Variants in CTNND2 observed in about 807,000 individuals in gnomAD.
CTNND2 encodes the protein catenin delta 2, also known as catenin delta-2.
CTNND2 carries 22 observed loss-of-function variants against 144.4 expected under a neutral mutation model. That is an observed-to-expected ratio of 0.15 (90% confidence interval 0.11 to 0.22). The LOEUF is 0.22. Among genes scored for constraint, CTNND2 ranks in the 10% least tolerant of loss-of-function variants. The pLI is 1.00. For synonymous variants in CTNND2, 751 were observed against 695.6 expected (o/e 1.08, Z -1.25); for missense variants, 1,353 against 1,618.8 (o/e 0.84, Z 2.82).
At chr5:11,254,732 T>C (rs1175976828) in intron 9 of CTNND2, among the ~76,000 whole-genome samples, 1 of 152,226 alleles carries the variant, frequency 6.6e-6, no homozygotes, top group Non-Finnish European at 1.5e-5. Context: ...TTTTCTGAGC[T>C]AGGAGAAACA....
At chr5:11,182,397 G>A (rs1735175248) in intron 11 of CTNND2, among the ~76,000 whole-genome samples, 1 of 151,970 alleles carries the variant, frequency 6.6e-6, no homozygotes, top group Non-Finnish European at 1.5e-5. Context: ...GTATATATAT[G>A]TCTGTGTGTG....
At chr5:11,595,700 TG>T (rs1237116349) in intron 2 of CTNND2, among the ~76,000 whole-genome samples, 1 of 152,192 alleles carries the variant, frequency 6.6e-6, no homozygotes, top group Non-Finnish European at 1.5e-5. Flanking sequence ...TTGGCATACC[TG>T]ATGTTGTAAA....
chr5:11,321,589 G>A (rs1248616794), intron 9 of CTNND2, among the ~76,000 whole-genome samples: 1 of 152,196 alleles, frequency 6.6e-6, no homozygotes, highest in Admixed American at 6.5e-5. Context: ...AAAATGTGAA[G>A]TAGGGATTGT....
chr5:11,222,173 C>T lies in CTNND2; in HGVS notation c.1761+14518G>A, dbSNP rs137882150. 8.5e-3 allele frequency among the ~76,000 whole-genome samples: 1,295 copies of T among 151,870 alleles called. 8 individuals carry two copies. Among genetic ancestry groups the T allele is most frequent in the African/African-American group, 0.017 (703 of 41,388 alleles). ...AACCTTTTGTGGGTGGGTGGAGAGG[C>T]GGGGGGAAGATAAAAAGAAGACCCA... On this transcript the variant is annotated intron_variant, in intron 10 of 21. Coordinates refer to ENST00000304623, the MANE Select transcript of CTNND2 (RefSeq NM_001332.4).
At chr5:11,183,597 G>A (rs1735329969) in intron 11 of CTNND2, among the ~76,000 whole-genome samples, 1 of 143,818 alleles carries the variant, frequency 7.0e-6, no homozygotes, top group Non-Finnish European at 1.5e-5. Context: ...TGCTCCTGTT[G>A]CCCAGGCTAG....
chr5:11,546,423 TAA>T (rs1288629328), intron 3 of CTNND2, among the ~76,000 whole-genome samples: 2 of 151,958 alleles, frequency 1.3e-5, no homozygotes, highest in African/African-American at 2.4e-5. Flanking sequence ...ACAAAAATTG[TAA>T]GATTTTTAGA....
intron 9 of CTNND2, among the ~76,000 whole-genome samples, chr5:11,283,204 T>A (rs1394453639): frequency 6.6e-6 from 1 of 152,156 alleles, no homozygotes; most frequent in East Asian, 1.9e-4. Flanking sequence ...ATCCTGTGGT[T>A]TTAGTCAGAC....
In CTNND2 at chr5:11,254,537, G is replaced by A. The variant is rs191041234; in HGVS notation, c.1629-17714C>T. Among the ~76,000 whole-genome samples the A allele has an allele frequency of 2.6e-5, 4 of 152,258 alleles. No homozygotes were observed. The East Asian group carries it at 5.8e-4, about 22-fold the overall frequency. On this transcript the variant is annotated intron_variant, in intron 9 of 21. Coordinates refer to ENST00000304623, the MANE Select transcript of CTNND2 (RefSeq NM_001332.4). ...CTCCATTTGAATAGGTATCAGAGGT[G>A]CAGGCTGTGGTCAGAGGCAACATCT... is the stretch of plus-strand genomic sequence containing the variant.
chr5:11,063,556 T>C (rs79144810), intron 16 of CTNND2, among the ~76,000 whole-genome samples: 1 of 104,742 alleles, frequency 9.5e-6, no homozygotes, highest in African/African-American at 7.8e-5. Flanking sequence ...TTAATCAGGG[T>C]AAAATTTTCG....
At chr5:11,255,596 G>A (rs529592694) in intron 9 of CTNND2, among the ~76,000 whole-genome samples, 20 of 151,746 alleles carry the variant, frequency 1.3e-4, no homozygotes, top group East Asian at 3.9e-4. Flanking sequence ...ACTTGGCTGC[G>A]ACCACAAAGG....
chr5:11,410,246 C>T (rs573328873), intron 5 of CTNND2, among the ~76,000 whole-genome samples: 2 of 152,236 alleles, frequency 1.3e-5, no homozygotes, highest in African/African-American at 2.4e-5. Context: ...ATAATACCAA[C>T]CAATCTTTCT....
chr5:11,304,642 G>A (rs1749987772), intron 9 of CTNND2, among the ~76,000 whole-genome samples: 1 of 152,118 alleles, frequency 6.6e-6, no homozygotes, highest in East Asian at 1.9e-4. Flanking sequence ...GCAAGAAAGG[G>A]GCCAGGGGTT....
intron 2 of CTNND2, among the ~76,000 whole-genome samples, chr5:11,618,946 T>A (rs750231260): frequency 3.9e-5 from 6 of 152,210 alleles, no homozygotes; most frequent in Non-Finnish European, 8.8e-5. Flanking sequence ...CCTCCATTTT[T>A]AAAAAATTAT....
intron 3 of CTNND2, among the ~76,000 whole-genome samples, chr5:11,520,164 A>G (rs1055049345): frequency 1.3e-5 from 2 of 151,704 alleles, no homozygotes; most frequent in African/African-American, 4.8e-5. Context: ...AAAAAAAAAA[A>G]AAGAAAGAAA....
chr5:11,350,533 T>C (rs1755224788), intron 8 of CTNND2, among the ~76,000 whole-genome samples: 2 of 152,174 alleles, frequency 1.3e-5, no homozygotes, highest in South Asian at 4.1e-4. Context: ...TTCAGCCTTG[T>C]CAAATGGTCT....
At chr5:11,279,826 A>G (rs1746936748) in intron 9 of CTNND2, among the ~76,000 whole-genome samples, 3 of 152,112 alleles carry the variant, frequency 2.0e-5, no homozygotes, top group Admixed American at 2.0e-4. Flanking sequence ...GAGAGAGAGC[A>G]TGGTATGGGG....
chr5:11,860,579 T>C (rs770739405), intron 1 of CTNND2, among the ~76,000 whole-genome samples: 1 of 152,242 alleles, frequency 6.6e-6, no homozygotes, highest in Non-Finnish European at 1.5e-5. Flanking sequence ...AATATACACA[T>C]GCCTTTACTG....
chr5:11,299,002 TG>T (rs143261752), intron 9 of CTNND2, among the ~76,000 whole-genome samples: 13,296 of 152,210 alleles, frequency 0.087, 743 homozygotes, highest in Admixed American at 0.14. Context: ...TTTATTCCAC[TG>T]TATAGAAACC....
At chr5:11,501,796 C>CG (rs1435593695) in intron 3 of CTNND2, among the ~76,000 whole-genome samples, 4 of 151,496 alleles carry the variant, frequency 2.6e-5, no homozygotes, top group Non-Finnish European at 5.9e-5. Context: ...ATCACAAGGT[C>CG]GGGAGATTGA....
Sources: gnomAD v4.1 joint callset for allele counts (sites outside exome capture counted in the v4.1 genomes callset) on GRCh38, gnomAD v4.1.1 for gene constraint, MANE v1.5 for transcripts, NCBI Gene and HGNC (gene_info 2026-07-23, HGNC 2026-07-21) for gene names.